Variants in LHX6 observed in about 807,000 individuals in gnomAD.
LHX6 encodes the protein LIM/homeobox protein Lhx6.
A neutral mutation model predicts 47.1 loss-of-function variants in LHX6; 15 were observed. That is an observed-to-expected ratio of 0.32 (90% CI 0.21 to 0.49). The LOEUF is 0.49. LHX6 is among the 20% of genes least tolerant of loss of function. LHX6 has a pLI of 0.99. For missense variants in LHX6, 404 were observed against 539.6 expected, an observed-to-expected ratio of 0.75 and a Z score of 2.49; for synonymous variants, 242 against 233.5, an observed-to-expected ratio of 1.04 and a Z score of -0.33.
At chr9:122,211,928 T>C (rs1324434690) in intron 8 of LHX6, among the ~76,000 whole-genome samples, 1 of 152,188 alleles carries the variant, frequency 6.6e-6, no homozygotes, top group African/African-American at 2.4e-5. Flanking sequence ...ATATAGTTAT[T>C]GTTTAGAAAA....
chr9:122,210,531 G>T (rs543645336), intron 8 of LHX6, among the ~76,000 whole-genome samples: 1 of 151,924 alleles, frequency 6.6e-6, no homozygotes, highest in African/African-American at 2.4e-5. Context: ...TCTTCCTCCC[G>T]GCTTTATTTC....
intron 4 of LHX6, among the ~76,000 whole-genome samples, chr9:122,219,783 AG>A: frequency 6.6e-6 from 1 of 152,222 alleles, no homozygotes; most frequent in East Asian, 1.9e-4. Context: ...ACCCCCTCCA[AG>A]GTGCAAAAAG....
chr9:122,226,550 G>C lies in LHX6; in HGVS notation c.340-53C>G, dbSNP rs1020082176. On this transcript the variant is annotated intron_variant, in intron 3 of 9. Coordinates refer to ENST00000394319, the MANE Select transcript of LHX6 (RefSeq NM_014368.5). The surrounding 1 kb of genome is among the most constrained non-coding windows in gnomAD (Gnocchi z 6.5). ...GCTCAGCGCGGGCCTCTTTCACTCC[G>C]GGCCCCAGCCTTCCCGGTCTCATTT... is the stretch of plus-strand genomic sequence containing the variant. 18 of 1,583,222 alleles carry C rather than the reference G, an allele frequency of 1.1e-5. No homozygotes were observed. The African/African-American group carries it at 2.0e-4, about 18-fold the overall frequency.
chr9:122,221,572 C>T (rs1196971349), intron 4 of LHX6: 1 of 985,646 alleles, frequency 1.0e-6, no homozygotes, highest in Non-Finnish European at 1.2e-6. Flanking sequence ...AACCCCCACC[C>T]CCATAAACAC....
At position 122,224,505 on chromosome 9, in the gene LHX6, A is replaced by G. The variant is rs576754310; in HGVS notation, c.461+1871T>C. Reference sequence around the variant, plus strand: ...TCTGACTACACACACACACACACACAGCCGTCCAGATTCACAAATACGTTC... The same window carrying G: ...TCTGACTACACACACACACACACACGGCCGTCCAGATTCACAAATACGTTC... On this transcript the variant is annotated intron_variant, in intron 4 of 9. Transcript: ENST00000394319. Among the ~76,000 whole-genome samples, 3 of 152,098 alleles carry G rather than the reference A, an allele frequency of 2.0e-5. No individual in the cohort carries two copies. The East Asian group carries it at 5.8e-4, about 29-fold the overall frequency.
At chr9:122,221,342 A>T in intron 4 of LHX6, 1 of 985,460 alleles carries the variant, frequency 1.0e-6, no homozygotes, top group Non-Finnish European at 1.2e-6. Context: ...GTCCCCCAAC[A>T]GCTGGCCGCC....
intron 4 of LHX6, among the ~76,000 whole-genome samples, chr9:122,224,653 C>G (rs1313236852): frequency 6.6e-6 from 1 of 152,098 alleles, no homozygotes; most frequent in African/African-American, 2.4e-5. Context: ...CCTCTCACCT[C>G]CAGATCCTAG....
intron 4 of LHX6, among the ~76,000 whole-genome samples, chr9:122,219,384 G>T (rs1830730493): frequency 6.6e-6 from 1 of 152,204 alleles, no homozygotes; most frequent in African/African-American, 2.4e-5. Context: ...CTTCCCCAGC[G>T]GAGTGCCCAG....
In LHX6 at chr9:122,226,792, C is replaced by A. The variant is rs1831121089; in HGVS notation, c.339+56G>T. On this transcript the variant is annotated intron_variant, in intron 3 of 9. Transcript: ENST00000394319. This position sits in a 1 kb window ranked among gnomAD's most constrained non-coding sequence, Gnocchi z 6.5. ...GACCTGCGGTGCTTCCCTGCAGTCTCCTGCGCTGCGTCCCACGCCCCGACA... is the reference window on the plus strand; with the variant it reads ...GACCTGCGGTGCTTCCCTGCAGTCTACTGCGCTGCGTCCCACGCCCCGACA... 1.3e-6 allele frequency: 2 copies of A among 1,523,604 alleles called. No individual in the cohort carries two copies. Among genetic ancestry groups the A allele is most frequent in the Admixed American group, 2.0e-5 (1 of 49,754 alleles). The allele number at this position is 1,523,604 out of a possible 1,614,324, so 94.4% of individuals were successfully genotyped here. A position where few individuals can be genotyped will look rare whatever the true frequency, so the allele number is the denominator to read the frequency against.
chr9:122,211,893 C>T (rs1476826408), intron 8 of LHX6, among the ~76,000 whole-genome samples: 1 of 152,230 alleles, frequency 6.6e-6, no homozygotes, highest in Non-Finnish European at 1.5e-5. Flanking sequence ...TCCTTGGCAC[C>T]TTTAACAGGC....
chr9:122,213,529 G>A lies in LHX6; in HGVS notation c.1054+77C>T, dbSNP rs1330664259. On this transcript the variant is annotated intron_variant, in intron 8 of 9. Transcript: ENST00000394319. This position sits in a 1 kb window ranked among gnomAD's most constrained non-coding sequence, Gnocchi z 5.5. ...CCCAAGGCCCTCCACCCCACGCCTC[G>A]GCCTCAGCCGCCCACGTGCGCTCCT... 6.6e-6 allele frequency: 9 copies of A among 1,357,750 alleles called. No homozygotes were observed. The African/African-American group carries it at 1.2e-4, about 18-fold the overall frequency. The allele number at this position is 1,357,750 out of a possible 1,614,324, so 84.1% of individuals were successfully genotyped here.
Position 122,226,448 on chromosome 9 carries a change from C to G in LHX6, c.389G>C (p.Arg130Pro). 6.2e-7 allele frequency: 1 copy of G among 1,613,656 alleles called. No individual in the cohort carries two copies. The part of the protein sequence containing the change: ...HVRCLECSVC[R>P]TSLRQQNSCY... Reference sequence around the variant, plus strand: ...GCTGTTCTGCTGCCTCAGCGACGTGCGACACACGGAGCACTCGAGGCACCG... The same window carrying G: ...GCTGTTCTGCTGCCTCAGCGACGTGGGACACACGGAGCACTCGAGGCACCG... The change falls in exon 4 of 10, where the codon CGC becomes CCC. Residue 130 changes from arginine to proline, a missense_variant. Around this residue, in one of 7 missense-constraint regions of LHX6, gnomAD observed 53 missense variants for 97.4 expected, o/e 0.54. Transcript: ENST00000394319. This position sits in a 1 kb window ranked among gnomAD's most constrained non-coding sequence, Gnocchi z 6.5.
At chr9:122,221,015 C>G (rs1830831802) in intron 4 of LHX6, 1 of 908,394 alleles carries the variant, frequency 1.1e-6, no homozygotes, top group African/African-American at 1.8e-5. Flanking sequence ...ACAAGGAAAC[C>G]AAACCTCAGA....
intron 4 of LHX6, among the ~76,000 whole-genome samples, chr9:122,223,816 G>A (rs1274912430): frequency 6.6e-6 from 1 of 152,160 alleles, no homozygotes; most frequent in East Asian, 1.9e-4. Flanking sequence ...GCATGGGCTA[G>A]GGCTGGAGAA....
chr9:122,219,269 C>T (rs1448882421), intron 4 of LHX6, among the ~76,000 whole-genome samples: 3 of 152,248 alleles, frequency 2.0e-5, no homozygotes, highest in African/African-American at 7.2e-5. Context: ...AGGAGCGCGA[C>T]AGGACCCTTC....
At chr9:122,215,777 T>C (rs1185538142) in intron 5 of LHX6, among the ~76,000 whole-genome samples, 1 of 152,190 alleles carries the variant, frequency 6.6e-6, no homozygotes, top group East Asian at 1.9e-4. Context: ...ATGGCCCTGG[T>C]ATGCCCATGG....
intron 4 of LHX6, among the ~76,000 whole-genome samples, chr9:122,223,344 C>T (rs1830952310): frequency 6.6e-6 from 1 of 152,140 alleles, no homozygotes; most frequent in African/African-American, 2.4e-5. Context: ...AAGATTAGTG[C>T]TCAGAACCTG....
chr9:122,213,935 G>C lies in LHX6; in HGVS notation c.879+39C>G, dbSNP rs781770930. ...CGAGCCCAGCTACGAGCTCCGGGGC[G>C]TGCCCGCGGTCCCCAGGCCCCGCCC... On this transcript the variant is annotated intron_variant, in intron 7 of 9. Coordinates refer to ENST00000394319, the MANE Select transcript of LHX6 (RefSeq NM_014368.5). This position sits in a 1 kb window ranked among gnomAD's most constrained non-coding sequence, Gnocchi z 5.5. 3.3e-5 allele frequency: 51 copies of C among 1,534,204 alleles called. No individual in the cohort carries two copies. The highest frequency in any genetic ancestry group is 4.5e-5 in the Non-Finnish European group (51 of 1,122,908).
intron 4 of LHX6, among the ~76,000 whole-genome samples, chr9:122,223,066 A>G (rs1034239490): frequency 1.3e-5 from 2 of 152,236 alleles, no homozygotes; most frequent in Admixed American, 1.3e-4. Flanking sequence ...GAACTTCCTC[A>G]TAGCAGCCAC....
Sources: gnomAD v4.1 joint callset for allele counts (sites outside exome capture counted in the v4.1 genomes callset) on GRCh38, gnomAD v4.1.1 for gene constraint, gnomAD v4.1.1 regional missense constraint, Gnocchi (gnomAD v3.1) non-coding constraint, MANE v1.5 for transcripts, NCBI Gene and HGNC (gene_info 2026-07-23, HGNC 2026-07-21) for gene names.